Variants in SRMS observed in about 807,000 individuals in gnomAD.
SRMS encodes src-related kinase lacking C-terminal regulatory tyrosine and N-terminal myristylation sites.
A neutral mutation model predicts 43.5 loss-of-function variants in SRMS; 42 were observed. That is an observed-to-expected ratio of 0.97 (90% CI 0.75 to 1.25). SRMS has a LOEUF of 1.25. SRMS is among the 50% of genes most tolerant of loss of function. The probability of loss-of-function intolerance (pLI) is 0.00; values close to 1 mark genes in which losing one functional copy is unlikely to be tolerated. For missense variants in SRMS, 703 were observed against 681.0 expected (o/e 1.03, Z -0.36); for synonymous variants, 316 against 308.2 (o/e 1.03, Z -0.27).
In SRMS at chr20:63,541,251, C is replaced by T. The variant is rs372304332; in HGVS notation, c.1225G>A (p.Val409Ile). 156 of 1,569,534 alleles carry T rather than the reference C, an allele frequency of 9.9e-5. 1 individual carries two copies. Among genetic ancestry groups the T allele is most frequent in the South Asian group, 7.4e-4 (63 of 85,166 alleles). The change falls in exon 7 of 8, where the codon GTC (valine) becomes ATC (isoleucine). Residue 409 changes from valine (V) to isoleucine (I), a missense_variant. Val to Ile is a conservative substitution (Grantham distance 29). Transcript: ENST00000217188. ...TGCAGCAGGACGCCGAAGGACCAGACGTCTGACTTCTGGGAGAAGACACGA... is the reference window on the plus strand; with the variant it reads ...TGCAGCAGGACGCCGAAGGACCAGATGTCTGACTTCTGGGAGAAGACACGA... The part of the protein sequence containing the change: ...NYRVFSQKSD[V>I]WSFGVLLHEV...
Position 63,539,402 on chromosome 20 carries a change from G to A in SRMS, c.*1416C>T, listed in dbSNP as rs543011723. Among the ~76,000 whole-genome samples the A allele has an allele frequency of 1.2e-4, 19 of 152,314 alleles. No homozygotes were observed. Among genetic ancestry groups the A allele is most frequent in the African/African-American group, 3.4e-4 (14 of 41,556 alleles). On this transcript the variant is annotated 3_prime_UTR_variant, in exon 8 of 8. Coordinates refer to ENST00000217188, the MANE Select transcript of SRMS (RefSeq NM_080823.4). Reference sequence around the variant, plus strand: ...CTCCCTCCTGAGCCAGGCTTTGGCCGGGGCCTGTGGACGGCAGCCATCAGC... The same window carrying A: ...CTCCCTCCTGAGCCAGGCTTTGGCCAGGGCCTGTGGACGGCAGCCATCAGC...
chr20:63,538,716 A>AGGGGGGGGGGGGGGGGGGGGGGGG lies in SRMS; in HGVS notation c.*2101_*2102insCCCCCCCCCCCCCCCCCCCCCCCC, dbSNP rs1374903293. Among the ~76,000 whole-genome samples the AGGGGGGGGGGGGGGGGGGGGGGGG allele has an allele frequency of 2.1e-4, 2 of 9,348 alleles. No homozygotes were observed. Among genetic ancestry groups the AGGGGGGGGGGGGGGGGGGGGGGGG allele is most frequent in the African/African-American group, 4.5e-4 (1 of 2,210 alleles). 6.1% of individuals were successfully genotyped at this position (9,348 alleles called of 152,430 possible). A position where few individuals can be genotyped will look rare whatever the true frequency, so the allele number is the denominator to read the frequency against. ...GGTCGGTTGGGGAGGATGCAGGGGG[A>AGGGGGGGGGGGGGGGGGGGGGGGG]GGGGTGGGGGGTGGGGAATGCGGAA... is the stretch of plus-strand genomic sequence containing the variant. On this transcript the variant is annotated 3_prime_UTR_variant, in exon 8 of 8. Transcript: ENST00000217188.
intron 1 of SRMS, among the ~76,000 whole-genome samples, chr20:63,545,812 G>A (rs1447754817): frequency 1.3e-5 from 2 of 152,126 alleles, no homozygotes; most frequent in Admixed American, 6.5e-5. Flanking sequence ...GCAGGGAGAC[G>A]CAACCCTCTC....
intron 1 of SRMS, 44 bp downstream of exon 1, chr20:63,547,064 G>C (rs1181913452): frequency 6.8e-7 from 1 of 1,480,740 alleles, no homozygotes; most frequent in South Asian, 1.4e-5. Flanking sequence ...GGACTCCCCA[G>C]CTGGGGGCGA....
chr20:63,542,560 A>G lies in SRMS; in HGVS notation c.667T>C (p.Trp223Arg). The G allele has an allele frequency of 6.2e-7, 1 of 1,607,804 alleles. No homozygotes were observed. Among genetic ancestry groups the G allele is most frequent in the Non-Finnish European group, 8.5e-7 (1 of 1,177,078 alleles). ...MPQKAPRQDV[W>R]ERPHSEFALG... ...GCGAATTCGGAGTGTGGCCGCTCCC[A>G]CACGTCCTGCCTCGGGGCCTTCTGC... The change falls in exon 4 of 8, where the codon TGG becomes CGG. Residue 223 changes from tryptophan (W) to arginine (R), a missense_variant. Coordinates refer to ENST00000217188, the MANE Select transcript of SRMS (RefSeq NM_080823.4).
rs777175453 is a variant in SRMS at position 63,542,302 on chromosome 20, G to C, written c.807C>G (p.Asp269Glu). 6.2e-6 allele frequency: 10 copies of C among 1,610,754 alleles called. No homozygotes were observed. Among genetic ancestry groups the C allele is most frequent in the Middle Eastern group, 1.7e-4 (1 of 6,058 alleles). ...VIKSANMKLT[D>E]LAKEIQTLKG... ...TCAGTGTCTGGATCTCCTTGGCGAG[G>C]TCAGTGAGCTTCATGTTGGCTGCGA... Residue 269 changes from aspartate (D) to glutamate (E), a missense_variant, in exon 5 of 8, where the codon GAC becomes GAG. Asp to Glu is a conservative substitution (Grantham distance 45, BLOSUM62 2). Transcript: ENST00000217188.
chr20:63,541,057 G>T, intron 7 of SRMS, 58 bp from the exon 8 acceptor site: 1 of 1,595,292 alleles, frequency 6.3e-7, no homozygotes, highest in Non-Finnish European at 8.5e-7. Flanking sequence ...TATGGAGGAG[G>T]CCTCCTGTAG....
Position 63,543,462 on chromosome 20 carries a change from A to G in SRMS, c.497T>C (p.Val166Ala). Reference sequence around the variant, plus strand: ...TGCCATGGAGACCCGGTAGTGGCAGACCTTGGCCTGGGCCCGGACTAGGAA... The same window carrying G: ...TGCCATGGAGACCCGGTAGTGGCAGGCCTTGGCCTGGGCCCGGACTAGGAA... ...YSLSVRAQAK[V>A]CHYRVSMAAD... Residue 166 changes from valine to alanine, a missense_variant, in exon 3 of 8, where the codon GTC (valine) becomes GCC (alanine). Physicochemically the swap from Val to Ala is moderately conservative, Grantham distance 64. Coordinates refer to ENST00000217188, the MANE Select transcript of SRMS (RefSeq NM_080823.4). 6.2e-7 allele frequency: 1 copy of G among 1,612,762 alleles called. No individual in the cohort carries two copies. The highest frequency in any genetic ancestry group is 8.5e-7 in the Non-Finnish European group (1 of 1,179,928).
intron 1 of SRMS, among the ~76,000 whole-genome samples, chr20:63,546,904 C>T (rs1005747444): frequency 6.6e-6 from 1 of 152,238 alleles, no homozygotes; most frequent in Non-Finnish European, 1.5e-5. Flanking sequence ...CTCTCCCTCT[C>T]GGCAGCCCAC....
chr20:63,546,249 C>A (rs1351763482), intron 1 of SRMS, among the ~76,000 whole-genome samples: 1 of 152,086 alleles, frequency 6.6e-6, no homozygotes, highest in African/African-American at 2.4e-5. Flanking sequence ...GGGCCTGGGG[C>A]CCCTCAGAAG....
At position 63,540,204 on chromosome 20, in the gene SRMS, G is replaced by A. The variant is rs978015705; in HGVS notation, c.*614C>T. 2.6e-5 allele frequency among the ~76,000 whole-genome samples: 4 copies of A among 152,198 alleles called. No individual in the cohort carries two copies. Among genetic ancestry groups the A allele is most frequent in the Non-Finnish European group, 4.4e-5 (3 of 68,024 alleles). On this transcript the variant is annotated 3_prime_UTR_variant, in exon 8 of 8. Coordinates refer to ENST00000217188, the MANE Select transcript of SRMS (RefSeq NM_080823.4). ...GTGGGTTTGTGCACAGGCCGCCAGTGTGTCTGTGAGGGGCAGGTGACGGTG... is the reference window on the plus strand; with the variant it reads ...GTGGGTTTGTGCACAGGCCGCCAGTATGTCTGTGAGGGGCAGGTGACGGTG...
In SRMS at chr20:63,540,875, C is replaced by T; in HGVS notation, c.1410G>A (p.Arg470=). The T allele has an allele frequency of 1.9e-6, 3 of 1,605,904 alleles. No homozygotes were observed. Among genetic ancestry groups the T allele is most frequent in the Non-Finnish European group, 2.5e-6 (3 of 1,179,308 alleles). ...TCTCCCGCAGCGTGGCGAAGGAGGGCCGTTCCTCGGGGCTGCTCCTCCAGC... is the reference window on the plus strand; with the variant it reads ...TCTCCCGCAGCGTGGCGAAGGAGGGTCGTTCCTCGGGGCTGCTCCTCCAGC... ...LECWRSSPEE[R]PSFATLREKL... Residue 470 remains arginine, a synonymous_variant, in exon 8 of 8, where the codon CGG becomes CGA. Coordinates refer to ENST00000217188, the MANE Select transcript of SRMS (RefSeq NM_080823.4).
In SRMS at chr20:63,538,532, C is replaced by G. The variant is rs2082685602; in HGVS notation, c.*2286G>C. Among the ~76,000 whole-genome samples the G allele has an allele frequency of 6.6e-6, 1 of 152,210 alleles. No homozygotes were observed. The highest frequency in any genetic ancestry group is 2.1e-4 in the South Asian group (1 of 4,836). On this transcript the variant is annotated 3_prime_UTR_variant, in exon 8 of 8. Coordinates refer to ENST00000217188, the MANE Select transcript of SRMS (RefSeq NM_080823.4). ...TTTTTATTGCAAAGAGAAATAATGGCACCTTCCACTCATTGTTTTGAGATT... is the reference window on the plus strand; with the variant it reads ...TTTTTATTGCAAAGAGAAATAATGGGACCTTCCACTCATTGTTTTGAGATT...
At position 63,547,528 on chromosome 20, in the gene SRMS, C is replaced by T. The variant is rs1020064442; in HGVS notation, c.-65G>A. 5.7e-6 allele frequency: 8 copies of T among 1,395,426 alleles called. No homozygotes were observed. The South Asian group carries it at 1.2e-4, about 21-fold the overall frequency. 86.4% of individuals were successfully genotyped at this position (1,395,426 alleles called of 1,614,324 possible). The stretch of plus-strand genomic sequence containing the variant: ...CCCGCGAGCCCGGAAGAGGAACTGG[C>T]AGGGCCGGTGGGACCCGGTGTCCAG... On this transcript the variant is annotated 5_prime_UTR_variant, in exon 1 of 8. Transcript: ENST00000217188.
chr20:63,540,337 T>C lies in SRMS; in HGVS notation c.*481A>G, dbSNP rs548541751. Among the ~76,000 whole-genome samples the C allele has an allele frequency of 9.9e-5, 15 of 152,248 alleles. No individual in the cohort carries two copies. The highest frequency in any genetic ancestry group is 2.0e-4 in the Admixed American group (3 of 15,300). On this transcript the variant is annotated 3_prime_UTR_variant, in exon 8 of 8. Transcript: ENST00000217188. ...CCCAAGCTGGGACTAGGGAGAGAAC[T>C]GGGCCTTTGGCTCTTCACCCTGGGA... is the stretch of plus-strand genomic sequence containing the variant.
Position 63,539,316 on chromosome 20 carries a change from C to T in SRMS, c.*1502G>A, listed in dbSNP as rs960862931. ...GCGCTGCCTCCGTTCTCGGAGCCTC[C>T]GAGTGGCCTCTTCCTTCCCCGGGGC... On this transcript the variant is annotated 3_prime_UTR_variant, in exon 8 of 8. Transcript: ENST00000217188. Among the ~76,000 whole-genome samples, 9 of 152,234 alleles carry T rather than the reference C, an allele frequency of 5.9e-5. No individual in the cohort carries two copies. The East Asian group carries it at 1.7e-3, about 29-fold the overall frequency.
chr20:63,543,194 A>G, intron 3 of SRMS, 120 bp downstream of exon 3: 1 of 1,207,948 alleles, frequency 8.3e-7, no homozygotes, highest in South Asian at 1.4e-5. Context: ...AGGCCTGGGC[A>G]GGGCCCTGGA....
At position 63,543,298 on chromosome 20, in the gene SRMS, G is replaced by A. The variant is rs937756118; in HGVS notation, c.645+16C>T. On this transcript the variant is annotated intron_variant, in intron 3 of 7. Transcript: ENST00000217188. The stretch of plus-strand genomic sequence containing the variant: ...CTCGGGCCCAGCATGGGGCAGCTTG[G>A]CAGGCACAGGCCCACCTGGGGCATG... 1.2e-6 allele frequency: 2 copies of A among 1,610,518 alleles called. No homozygotes were observed. The highest frequency in any genetic ancestry group is 2.7e-5 in the African/African-American group (2 of 74,938).
At chr20:63,544,746 T>G (rs1028744950) in intron 1 of SRMS, among the ~76,000 whole-genome samples, 1 of 152,226 alleles carries the variant, frequency 6.6e-6, no homozygotes, top group Admixed American at 6.5e-5. Context: ...CCGGAAGCAC[T>G]GCTGGGCTGT....
Sources: allele counts gnomAD v4.1 joint callset (sites outside exome capture counted in the v4.1 genomes callset), GRCh38; gene constraint gnomAD v4.1.1; transcripts MANE v1.5; gene names NCBI Gene and HGNC (gene_info 2026-07-23, HGNC 2026-07-21).